The following MSL3 variants were observed in gnomAD, a reference collection of about 807,000 sequenced individuals.
The protein encoded by MSL3 is MSL complex subunit 3, also known as MSL3-like 1.
Under a neutral mutation model 37.2 loss-of-function variants are expected in MSL3, and 5 were observed. The ratio of observed to expected loss-of-function variants is 0.13; its 90% CI spans 0.07 to 0.28. MSL3 has a LOEUF of 0.28. MSL3 is among the 10% of genes least tolerant of loss of function. The probability of loss-of-function intolerance (pLI) is 1.00; values close to 1 mark genes in which losing one functional copy is unlikely to be tolerated. For synonymous variants in MSL3, 149 were observed against 147.6 expected (o/e 1.01, Z -0.07); for missense variants, 315 against 408.5 (o/e 0.77, Z 1.97).
Position 11,758,742 on chromosome X carries a change from C to T in MSL3, c.102+377C>T, listed in dbSNP as rs1046412386. 4.0e-5 allele frequency: 47 copies of T among 1,165,592 alleles called. No homozygotes were observed. The Admixed American group carries it at 7.5e-4, about 19-fold the overall frequency. On this transcript the variant is annotated intron_variant, in intron 1 of 12. Coordinates refer to ENST00000312196, the MANE Select transcript of MSL3 (RefSeq NM_078629.4). ...TCTGTGCGGCCTGGTGCCGGGTGGG[C>T]TCCTGTGGGACGCCCTGGCCGTCCG...
At chrX:11,758,184 G>C, upstream of MSL3, 4 of 126,949 alleles carry the variant, frequency 3.2e-5, no homozygotes, top group Non-Finnish European at 3.0e-5. Context: ...ACGGCGCACC[G>C]CCTCCCCGCC....
At chrX:11,765,385 G>A in intron 8 of MSL3, 82 bp from the exon 9 acceptor site, 1 of 1,095,926 alleles carries the variant, frequency 9.1e-7, no homozygotes, top group Admixed American at 2.9e-5. Flanking sequence ...CTGGAGTAGA[G>A]AGAGCATTTC....
At chrX:11,763,531 G>A (rs113275793) in intron 7 of MSL3, among the ~76,000 whole-genome samples, 10 of 112,737 alleles carry the variant, frequency 8.9e-5, no homozygotes, top group African/African-American at 2.9e-4. Context: ...TGGACACCTC[G>A]TGTGGCCTCA....
intron 10 of MSL3, among the ~76,000 whole-genome samples, 183 bp from the exon 11 acceptor site, chrX:11,771,973 A>G (rs1194443042): frequency 1.8e-5 from 2 of 112,224 alleles, no homozygotes; most frequent in Non-Finnish European, 3.8e-5. Flanking sequence ...TAAGAAATTA[A>G]AGACTTTCTT....
intron 2 of MSL3, 187 bp downstream of exon 2, chrX:11,760,062 CT>C (rs1482351891): frequency 4.2e-6 from 2 of 474,019 alleles, no homozygotes; most frequent in Non-Finnish European, 6.7e-6. Context: ...CCTGTCTTTA[CT>C]TTGTAGCGTT....
chrX:11,773,707 T>C (rs754306665), intron 12 of MSL3, among the ~76,000 whole-genome samples: 1 of 112,490 alleles, frequency 8.9e-6, no homozygotes, highest in African/African-American at 3.2e-5. Flanking sequence ...CAGGATAGCA[T>C]AGGAAATCCT....
Position 11,765,569 on chromosome X carries a change from G to A in MSL3, c.1011G>A (p.Arg337=), listed in dbSNP as rs756091171. 8.3e-7 allele frequency: 1 copy of A among 1,210,634 alleles called. No homozygotes were observed. The highest frequency in any genetic ancestry group is 1.1e-6 in the Non-Finnish European group (1 of 895,136). Residue 337 remains arginine (R), a synonymous_variant, in exon 9 of 13, where the codon AGG becomes AGA. Coordinates refer to ENST00000312196, the MANE Select transcript of MSL3 (RefSeq NM_078629.4). ...PTTGEPATPK[R]RKAEPEALQS... ...CCGGTGAACCAGCCACCCCCAAAAG[G>A]CGCAAAGCTGAGCCAGAAGCATTGC...
chrX:11,763,695 C>G (rs2053153665), intron 7 of MSL3, 85 bp from the exon 8 acceptor site: 1 of 773,926 alleles, frequency 1.3e-6, no homozygotes, highest in Admixed American at 3.0e-5. Context: ...TAAAACTGCC[C>G]TATTAAAAAT....
chrX:11,768,994 G>A, intron 10 of MSL3: 2 of 181,932 alleles, frequency 1.1e-5, no homozygotes, highest in Non-Finnish European at 2.0e-5. Flanking sequence ...GGCTTTGTGG[G>A]CCATATGGTG....
At chrX:11,759,741 T>C in intron 1 of MSL3, 52 bp from the exon 2 acceptor site, 1 of 1,206,762 alleles carries the variant, frequency 8.3e-7, no homozygotes, top group Non-Finnish European at 1.1e-6. Flanking sequence ...CTGATCTAAC[T>C]TCTAATTTTC....
At chrX:11,770,735 C>T (rs933985086) in intron 10 of MSL3, among the ~76,000 whole-genome samples, 4 of 111,999 alleles carry the variant, frequency 3.6e-5, no homozygotes, top group African/African-American at 1.3e-4. Context: ...TACCATTTTT[C>T]CCCGGAAAAT....
intron 9 of MSL3, chrX:11,767,532 G>T (rs976666870): frequency 8.6e-6 from 1 of 115,691 alleles, no homozygotes. Context: ...TGCAGCTGTG[G>T]CTGTGGCTGA....
intron 9 of MSL3, chrX:11,766,932 G>A: frequency 1.1e-5 from 8 of 753,138 alleles, no homozygotes; most frequent in East Asian, 3.0e-4. Context: ...TGTATCTTGT[G>A]TATGACCTGT....
intron 2 of MSL3, 140 bp downstream of exon 2, chrX:11,760,015 A>G (rs2053114997): frequency 2.9e-6 from 2 of 688,976 alleles, no homozygotes; most frequent in Admixed American, 8.1e-5. Context: ...AACTTCTTTA[A>G]GTTTTTGAAA....
At chrX:11,766,109 C>G in intron 9 of MSL3, 1 of 876,119 alleles carries the variant, frequency 1.1e-6, no homozygotes, top group Non-Finnish European at 1.4e-6. Context: ...TCTCTGTAGT[C>G]TCTCCATTCT....
chrX:11,769,581 G>T (rs769531094), intron 10 of MSL3, among the ~76,000 whole-genome samples: 35 of 111,621 alleles, frequency 3.1e-4, no homozygotes, highest in African/African-American at 1.1e-3. Flanking sequence ...AGGGAAAATG[G>T]CTTTGCTAGG....
chrX:11,766,321 T>C, intron 9 of MSL3: 1 of 753,190 alleles, frequency 1.3e-6, no homozygotes, highest in Non-Finnish European at 1.6e-6. Flanking sequence ...CAGGTTGATT[T>C]GCTGTAATAT....
Position 11,765,315 on chromosome X carries a change from G to A in MSL3, c.909-152G>A, listed in dbSNP as rs1329870915. 5 of 574,735 alleles carry A rather than the reference G, an allele frequency of 8.7e-6. No homozygotes were observed. In the East Asian group the frequency reaches 1.8e-4, roughly 20 times the overall value. 47.4% of individuals were successfully genotyped at this position (574,735 alleles called of 1,213,427 possible). On this transcript the variant is annotated intron_variant, in intron 8 of 12. Transcript: ENST00000312196. ...AGGGGCATCACAATCTTTAATGCCA[G>A]CGTGCCTTGCAGAGTTATGGAGAGG...
In MSL3 at chrX:11,762,743, T is replaced by G. The variant is rs2053144042; in HGVS notation, c.589-94T>G. ...GAATTGGCTTTGGTTTATTTTTGAG[T>G]TAAAAAATGATACAGACATGACCAG... On this transcript the variant is annotated intron_variant, in intron 6 of 12. Transcript: ENST00000312196. 6 of 877,315 alleles carry G rather than the reference T, an allele frequency of 6.8e-6. No homozygotes were observed. The Admixed American group carries it at 1.7e-4, about 25-fold the overall frequency. The allele number at this position is 877,315 out of a possible 1,213,427, so 72.3% of individuals were successfully genotyped here. A position where few individuals can be genotyped will look rare whatever the true frequency, so the allele number is the denominator to read the frequency against.
Sources: gnomAD v4.1 joint callset for allele counts (sites outside exome capture counted in the v4.1 genomes callset) on GRCh38, gnomAD v4.1.1 for gene constraint, MANE v1.5 for transcripts, NCBI Gene and HGNC (gene_info 2026-07-23, HGNC 2026-07-21) for gene names.